Variants in SLC5A3 observed in about 807,000 individuals in gnomAD.
SLC5A3 encodes sodium/myo-inositol cotransporter.
In SLC5A3, 10 loss-of-function variants were observed where a neutral mutation model predicts 43.2. The observed-to-expected ratio is 0.23, with a 90% CI of 0.14 to 0.39. The LOEUF (loss-of-function observed/expected upper bound fraction) is 0.39, where lower values mean the gene tolerates loss of function less well. SLC5A3 is among the 10% of genes least tolerant of loss of function. The pLI is 1.00. For missense variants in SLC5A3, 608 were observed against 893.4 expected (o/e 0.68, Z 4.07); for synonymous variants, 349 against 322.0 (o/e 1.08, Z -0.90).
chr21:34,085,848 C>T (rs748315129), intron 1 of SLC5A3, among the ~76,000 whole-genome samples: 11 of 152,206 alleles, frequency 7.2e-5, no homozygotes, highest in South Asian at 6.2e-4. Flanking sequence ...GTGATTCACC[C>T]GCCTCGGCCT....
chr21:34,077,377 C>T (rs998060175), intron 1 of SLC5A3, among the ~76,000 whole-genome samples: 9 of 152,130 alleles, frequency 5.9e-5, no homozygotes, highest in Non-Finnish European at 1.0e-4. Context: ...ACTTTAGGAA[C>T]GCTAATTACG....
chr21:34,088,835 T>TAAAAC (rs1978531982), intron 1 of SLC5A3, among the ~76,000 whole-genome samples: 2 of 152,178 alleles, frequency 1.3e-5, no homozygotes, highest in Non-Finnish European at 2.9e-5. Flanking sequence ...CTAGACACAG[T>TAAAAC]ACCTAGATGG....
intron 1 of SLC5A3, among the ~76,000 whole-genome samples, chr21:34,092,653 A>G (rs1331012572): frequency 1.3e-5 from 2 of 152,228 alleles, no homozygotes; most frequent in Non-Finnish European, 1.5e-5. Context: ...AATGTTACTG[A>G]TAGTAACAGT....
chr21:34,082,771 A>G (rs909530967), intron 1 of SLC5A3, among the ~76,000 whole-genome samples: 1 of 152,062 alleles, frequency 6.6e-6, no homozygotes, highest in Non-Finnish European at 1.5e-5. Context: ...GATAGATAAC[A>G]TCAAATTGCA....
chr21:34,080,142 A>G (rs542708633), intron 1 of SLC5A3, among the ~76,000 whole-genome samples: 1 of 152,322 alleles, frequency 6.6e-6, no homozygotes, highest in Non-Finnish European at 1.5e-5. Flanking sequence ...CTTGTAGTGC[A>G]AATATATGTC....
chr21:34,077,092 G>C (rs374753683), intron 1 of SLC5A3, among the ~76,000 whole-genome samples: 3 of 152,220 alleles, frequency 2.0e-5, no homozygotes, highest in Admixed American at 6.5e-5. Flanking sequence ...GGTAGATGAG[G>C]AGAAGGGGTC....
intron 1 of SLC5A3, among the ~76,000 whole-genome samples, chr21:34,085,600 CTT>C (rs56135810): frequency 2.7e-4 from 35 of 130,200 alleles, no homozygotes; most frequent in Admixed American, 3.9e-4. Flanking sequence ...GAAATAAGGA[CTT>C]TTTTTTTTTT....
In SLC5A3 at chr21:34,097,762, A is replaced by G. The variant is rs1015241743; in HGVS notation, c.*407A>G. On this transcript the variant is annotated 3_prime_UTR_variant, in exon 2 of 2. Coordinates refer to ENST00000381151, the MANE Select transcript of SLC5A3 (RefSeq NM_006933.7). The stretch of plus-strand genomic sequence containing the variant: ...TCTAAATTTTTTTTTCTGTCTCTGT[A>G]ATCCCTCCTACCATTAAGAAAAACT... 100 of 1,003,536 alleles carry G rather than the reference A, an allele frequency of 1.0e-4. No individual in the cohort carries two copies. The highest frequency in any genetic ancestry group is 1.2e-4 in the Non-Finnish European group (100 of 832,152). 62.2% of individuals were successfully genotyped at this position (1,003,536 alleles called of 1,614,324 possible).
chr21:34,074,456 C>T (rs915237519), intron 1 of SLC5A3, among the ~76,000 whole-genome samples: 2 of 152,218 alleles, frequency 1.3e-5, no homozygotes, highest in African/African-American at 4.8e-5. Context: ...TTTCTTCCCC[C>T]TGCTTTTGAT....
intron 1 of SLC5A3, among the ~76,000 whole-genome samples, chr21:34,085,372 T>A (rs1978328166): frequency 1.3e-5 from 2 of 152,292 alleles, no homozygotes; most frequent in East Asian, 3.9e-4. Context: ...AAGCAGTCAT[T>A]TGGTTAGGTG....
intron 1 of SLC5A3, among the ~76,000 whole-genome samples, chr21:34,079,354 G>A (rs1989406865): frequency 6.6e-6 from 1 of 152,076 alleles, no homozygotes; most frequent in Non-Finnish European, 1.5e-5. Context: ...AGAGTATATA[G>A]ACACAATTTT....
rs1205272081 is a variant in SLC5A3, at chr21:34,101,672, G to A, written c.*4317G>A. On this transcript the variant is annotated 3_prime_UTR_variant, in exon 2 of 2. Coordinates refer to ENST00000381151, the MANE Select transcript of SLC5A3 (RefSeq NM_006933.7). Reference sequence around the variant, plus strand: ...GCTTAGTTCACTTTAAGGCATATTGGCATGGTGTGTGAAAGTGATGTTTTG... The same window carrying A: ...GCTTAGTTCACTTTAAGGCATATTGACATGGTGTGTGAAAGTGATGTTTTG... 17 of 999,834 alleles carry A rather than the reference G, an allele frequency of 1.7e-5. No homozygotes were observed. The South Asian group carries it at 6.1e-4, about 36-fold the overall frequency. 61.9% of individuals were successfully genotyped at this position (999,834 alleles called of 1,614,324 possible).
intron 1 of SLC5A3, among the ~76,000 whole-genome samples, chr21:34,079,241 A>G (rs187544046): frequency 2.6e-4 from 40 of 152,314 alleles, no homozygotes; most frequent in East Asian, 1.9e-3. Flanking sequence ...AAACTTTCAC[A>G]TTTCAGAGTC....
chr21:34,075,650 T>C (rs979219386), intron 1 of SLC5A3, among the ~76,000 whole-genome samples: 13 of 152,236 alleles, frequency 8.5e-5, no homozygotes, highest in Non-Finnish European at 1.5e-4. Flanking sequence ...TGGTGACTTA[T>C]GTACAATGGC....
At chr21:34,090,765 A>G (rs1602921106) in intron 1 of SLC5A3, among the ~76,000 whole-genome samples, 1 of 152,232 alleles carries the variant, frequency 6.6e-6, no homozygotes, top group Non-Finnish European at 1.5e-5. Flanking sequence ...AAAGCCAGAC[A>G]GTTGAGACTT....
At chr21:34,079,253 A>C (rs756254793) in intron 1 of SLC5A3, among the ~76,000 whole-genome samples, 1 of 152,234 alleles carries the variant, frequency 6.6e-6, no homozygotes, top group Non-Finnish European at 1.5e-5. Flanking sequence ...TTCAGAGTCC[A>C]TAAGTAAAGT....
Position 34,102,295 on chromosome 21 carries a change from T to TTC in SLC5A3, c.*4948_*4949dup. ...GTCATATAAATGTTTTTATTTAAAC[T>TTC]TCTCTCTCTTCAATGCTGAGAATAA... On this transcript the variant is annotated 3_prime_UTR_variant, in exon 2 of 2. Transcript: ENST00000381151. The TTC allele has an allele frequency of 1.0e-6, 1 of 999,164 alleles. No individual in the cohort carries two copies. 61.9% of individuals were successfully genotyped at this position (999,164 alleles called of 1,614,324 possible).
Position 34,095,327 on chromosome 21 carries a change from G to A in SLC5A3, c.129G>A (p.Gly43=), listed in dbSNP as rs927845616. 1 of 1,613,992 alleles carries A rather than the reference G, an allele frequency of 6.2e-7. No individual in the cohort carries two copies. Among genetic ancestry groups the A allele is most frequent in the African/African-American group, 1.3e-5 (1 of 74,920 alleles). ...RSTVSGYFLA[G]RSMTWVAIGA... The stretch of plus-strand genomic sequence containing the variant: ...CCGTGAGTGGATACTTCCTGGCGGG[G>A]CGCTCTATGACCTGGGTAGCAATTG... The change falls in exon 2 of 2, where the codon GGG becomes GGA. Residue 43 remains glycine, a synonymous_variant. Coordinates refer to ENST00000381151, the MANE Select transcript of SLC5A3 (RefSeq NM_006933.7).
At chr21:34,093,537 G>A (rs1444271631) in intron 1 of SLC5A3, among the ~76,000 whole-genome samples, 1 of 152,058 alleles carries the variant, frequency 6.6e-6, no homozygotes, top group Non-Finnish European at 1.5e-5. Context: ...TTGAGAAGAG[G>A]TAGCTTTAGT....
Sources: gnomAD v4.1 joint callset for allele counts (sites outside exome capture counted in the v4.1 genomes callset) on GRCh38, gnomAD v4.1.1 for gene constraint, MANE v1.5 for transcripts, NCBI Gene and HGNC (gene_info 2026-07-23, HGNC 2026-07-21) for gene names.